Variants in TRPV2 observed in about 807,000 individuals in gnomAD.
TRPV2 encodes OTRPC2.
TRPV2 carries 58 observed loss-of-function variants against 91.0 expected under a neutral mutation model. The ratio of observed to expected loss-of-function variants is 0.64; its 90% CI spans 0.52 to 0.79. TRPV2 has a LOEUF of 0.79. TRPV2 is among the 30% of genes least tolerant of loss of function. The pLI is 0.00. For synonymous variants in TRPV2, 417 were observed against 414.8 expected (o/e 1.01, Z -0.06); for missense variants, 807 against 969.6 (o/e 0.83, Z 2.23).
rs200515976 is a variant in TRPV2 at position 16,434,969 on chromosome 17, C to T, written c.2194C>T (p.Arg732Ter). Residue 732 changes from arginine (R) to a stop codon, truncating the protein, a stop_gained and splice_region_variant, in exon 14 of 15, where the codon CGA becomes TGA. Coordinates refer to ENST00000338560, the MANE Select transcript of TRPV2 (RefSeq NM_016113.5). LOFTEE classifies it high-confidence loss of function. ...GGACCCGTCAGGGGCAGGTGTCCCT[C>T]GTGAGTAGCCTGGTGACTAGAGCCT... is the stretch of plus-strand genomic sequence containing the variant. The part of the protein sequence containing the change: ...CEDPSGAGVP[R>*]TLENPVLASP... 458 of 1,608,478 alleles carry T rather than the reference C, an allele frequency of 2.8e-4. No individual in the cohort carries two copies. The highest frequency in any genetic ancestry group is 3.4e-4 in the Non-Finnish European group (403 of 1,177,572).
intron 8 of TRPV2, 61 bp from the exon 9 acceptor site, chr17:16,428,256 G>A (rs2093393480): frequency 1.9e-6 from 3 of 1,554,308 alleles, no homozygotes; most frequent in Non-Finnish European, 2.7e-6. Context: ...ACTCAGCCAG[G>A]CCAGCAGGGG....
chr17:16,428,748 A>G, intron 9 of TRPV2, 69 bp from the exon 10 acceptor site: 1 of 1,590,084 alleles, frequency 6.3e-7, no homozygotes, highest in Non-Finnish European at 8.6e-7. Flanking sequence ...GACCTTGGTC[A>G]GCATAGGCCA....
chr17:16,424,682 T>A (rs2093374734), intron 5 of TRPV2, among the ~76,000 whole-genome samples: 1 of 152,184 alleles, frequency 6.6e-6, no homozygotes, highest in Non-Finnish European at 1.5e-5. Flanking sequence ...CTATTCTGTT[T>A]CTGCATATTT....
At chr17:16,418,024 C>T (rs2093339831) in intron 2 of TRPV2, among the ~76,000 whole-genome samples, 156 bp downstream of exon 2, 1 of 152,244 alleles carries the variant, frequency 6.6e-6, no homozygotes, top group African/African-American at 2.4e-5. Flanking sequence ...GCCCGACAGG[C>T]TGCCTCTGCT....
chr17:16,423,381 G>A, intron 4 of TRPV2, 88 bp from the exon 5 acceptor site: 1 of 1,438,806 alleles, frequency 7.0e-7, no homozygotes, highest in East Asian at 2.3e-5. Flanking sequence ...CTGTTTCAAG[G>A]AGGGCTGGCC....
Position 16,436,877 on chromosome 17 carries a change from C to T in TRPV2, c.2283C>T (p.Leu761=), listed in dbSNP as rs2093436069. The T allele has an allele frequency of 6.2e-7, 1 of 1,613,832 alleles. No individual in the cohort carries two copies. The highest frequency in any genetic ancestry group is 8.5e-7 in the Non-Finnish European group (1 of 1,179,824). The part of the protein sequence containing the change: ...SEENYVPVQL[L]QSN ...AAAACTATGTGCCCGTCCAGCTCCT[C>T]CAGTCCAACTGATGGCCCAGATGCA... Residue 761 remains leucine, a synonymous_variant, in exon 15 of 15, where the codon CTC becomes CTT. Coordinates refer to ENST00000338560, the MANE Select transcript of TRPV2 (RefSeq NM_016113.5).
At chr17:16,432,436 T>G in intron 12 of TRPV2, 136 bp downstream of exon 12, 5 of 639,492 alleles carry the variant, frequency 7.8e-6, no homozygotes, top group Non-Finnish European at 1.3e-5. Flanking sequence ...AGTCTTCCTC[T>G]TCCTTTTTTT....
intron 12 of TRPV2, among the ~76,000 whole-genome samples, chr17:16,432,661 T>G (rs1379939959): frequency 6.6e-6 from 1 of 152,036 alleles, no homozygotes; most frequent in Non-Finnish European, 1.5e-5. Context: ...CGGCCTCAGG[T>G]GATCCTCCCA....
intron 1 of TRPV2, 127 bp from the exon 2 acceptor site, chr17:16,417,435 G>T: frequency 2.3e-6 from 1 of 437,412 alleles, no homozygotes; most frequent in Non-Finnish European, 4.2e-6. Flanking sequence ...GTGGAGATGG[G>T]GTTTCACCAT....
At chr17:16,417,255 A>ATTTT (rs34360076) in intron 1 of TRPV2, among the ~76,000 whole-genome samples, 4 of 133,822 alleles carry the variant, frequency 3.0e-5, no homozygotes, top group Non-Finnish European at 3.2e-5. Context: ...AAAAACCGCA[A>ATTTT]TTTTTTTTTT....
chr17:16,431,896 C>T, intron 11 of TRPV2, 46 bp downstream of exon 11: 1 of 1,613,562 alleles, frequency 6.2e-7, no homozygotes, highest in Non-Finnish European at 8.5e-7. Context: ...CGTTCCTTGT[C>T]CACCCTGTAC....
intron 10 of TRPV2, among the ~76,000 whole-genome samples, chr17:16,431,287 ACATATTTT>A (rs199980517): frequency 0.033 from 827 of 25,406 alleles, 25 homozygotes; most frequent in African/African-American, 0.088. Flanking sequence ...ATATATATAT[ACATATTTT>A]TTTTTTTTTT....
At chr17:16,427,896 A>G (rs1432093133) in intron 8 of TRPV2, among the ~76,000 whole-genome samples, 2 of 152,190 alleles carry the variant, frequency 1.3e-5, no homozygotes, top group Non-Finnish European at 2.9e-5. Context: ...GGTGGGGTTC[A>G]GGCTATTTCC....
chr17:16,423,228 G>T (rs117954585), intron 4 of TRPV2, among the ~76,000 whole-genome samples: 1 of 152,228 alleles, frequency 6.6e-6, no homozygotes, highest in African/African-American at 2.4e-5. Context: ...AAAGAAATAG[G>T]GGCTGCTAGC....
At chr17:16,431,284 TA>T (rs1568919007) in intron 10 of TRPV2, among the ~76,000 whole-genome samples, 37 of 46,494 alleles carry the variant, frequency 8.0e-4, no homozygotes, top group African/African-American at 2.0e-3. Context: ...TATATATATA[TA>T]TACATATTTT....
chr17:16,426,776 T>C lies in TRPV2; in HGVS notation c.1150T>C (p.Trp384Arg), dbSNP rs766452170. 3.1e-6 allele frequency: 5 copies of C among 1,613,912 alleles called. No homozygotes were observed. Among genetic ancestry groups the C allele is most frequent in the Middle Eastern group, 1.6e-4 (1 of 6,080 alleles). The change falls in exon 7 of 15, where the codon TGG (tryptophan) becomes CGG (arginine). Residue 384 changes from tryptophan (W) to arginine (R), a missense_variant. By Grantham distance (101) the Trp-to-Arg change is moderately radical. Transcript: ENST00000338560. This position sits in a 1 kb window ranked among gnomAD's most constrained non-coding sequence, Gnocchi z 6.0. Reference sequence around the variant, plus strand: ...CCTGAACAAACTGCTGCAGGCGAAATGGGATCTGCTCATCCCCAAGTTCTT... The same window carrying C: ...CCTGAACAAACTGCTGCAGGCGAAACGGGATCTGCTCATCCCCAAGTTCTT... ...EPLNKLLQAK[W>R]DLLIPKFFLN...
chr17:16,429,078 A>G, intron 10 of TRPV2, 96 bp downstream of exon 10: 1 of 1,366,396 alleles, frequency 7.3e-7, no homozygotes, highest in Non-Finnish European at 1.0e-6. Flanking sequence ...GGGCATGTGT[A>G]CATCTGCCTG....
In TRPV2 at chr17:16,427,456, C is replaced by T; in HGVS notation, c.1259C>T (p.Ala420Val). The part of the protein sequence containing the change: ...YHQPTLKKQA[A>V]PHLKAEVGNS... ...ATCTGAGTGTGTCTTCAGCAGGCCG[C>T]CCCTCACCTGAAAGCGGAGGTTGGA... Residue 420 changes from alanine to valine, a missense_variant, in exon 8 of 15, where the codon GCC becomes GTC. Transcript: ENST00000338560. 1.2e-6 allele frequency: 2 copies of T among 1,613,808 alleles called. No individual in the cohort carries two copies. The highest frequency in any genetic ancestry group is 4.5e-5 in the East Asian group (2 of 44,868).
chr17:16,424,662 G>A (rs567132023), intron 5 of TRPV2, among the ~76,000 whole-genome samples: 68 of 152,082 alleles, frequency 4.5e-4, no homozygotes, highest in Middle Eastern at 3.4e-3. Context: ...TATATCTTTT[G>A]CCTATTTTGC....
Sources: gnomAD v4.1 joint callset for allele counts (sites outside exome capture counted in the v4.1 genomes callset) on GRCh38, gnomAD v4.1.1 for gene constraint, Gnocchi (gnomAD v3.1) non-coding constraint, MANE v1.5 for transcripts, NCBI Gene and HGNC (gene_info 2026-07-23, HGNC 2026-07-21) for gene names.